ZMIZ1: variants seen among roughly 807,000 people sequenced by gnomAD.
The protein encoded by ZMIZ1 is zinc finger MIZ-type containing 1, also known as zinc finger MIZ domain-containing protein 1.
Under a neutral mutation model 113.9 loss-of-function variants are expected in ZMIZ1, and 17 were observed. The observed-to-expected ratio is 0.15, with a 90% CI of 0.10 to 0.22. The LOEUF (loss-of-function observed/expected upper bound fraction) is 0.22, where lower values mean the gene tolerates loss of function less well. Ranked by LOEUF, ZMIZ1 falls within the 10% of genes least tolerant of loss-of-function variation. The pLI, the probability that ZMIZ1 is intolerant of heterozygous loss-of-function variation, is 1.00. For synonymous variants in ZMIZ1, 607 were observed against 603.1 expected, an observed-to-expected ratio of 1.01 and a Z score of -0.09; for missense variants, 1,059 against 1,477.8, an observed-to-expected ratio of 0.72 and a Z score of 4.65.
chr10:79,272,788 G>A (rs369609124), intron 7 of ZMIZ1, among the ~76,000 whole-genome samples: 1 of 152,334 alleles, frequency 6.6e-6, no homozygotes, highest in South Asian at 2.1e-4. Flanking sequence ...TGGGTGGTGC[G>A]TGCTTTTACG....
Position 79,296,767 on chromosome 10 carries a change from G to T in ZMIZ1, c.1413+114G>T, listed in dbSNP as rs1448518670. ...CGTGTGTTTGCCCCAAGGACAGCGAGGGGTGGGTGATTTCTGAACGTCCCC... is the reference window on the plus strand; with the variant it reads ...CGTGTGTTTGCCCCAAGGACAGCGATGGGTGGGTGATTTCTGAACGTCCCC... On this transcript the variant is annotated intron_variant, in intron 13 of 24. Coordinates refer to ENST00000334512, the MANE Select transcript of ZMIZ1 (RefSeq NM_020338.4). The surrounding 1 kb of genome is among the most constrained non-coding windows in gnomAD (Gnocchi z 4.1). 1 of 1,098,196 alleles carries T rather than the reference G, an allele frequency of 9.1e-7. No homozygotes were observed. The highest frequency in any genetic ancestry group is 1.6e-5 in the African/African-American group (1 of 61,156). 68.0% of individuals were successfully genotyped at this position (1,098,196 alleles called of 1,614,324 possible).
chr10:79,152,644 C>T (rs2132457438), intron 3 of ZMIZ1, among the ~76,000 whole-genome samples: 1 of 152,376 alleles, frequency 6.6e-6, no homozygotes. Flanking sequence ...GATCCCCAGG[C>T]AGCACTGTGG....
At chr10:79,255,484 C>G (rs1419004175) in intron 7 of ZMIZ1, among the ~76,000 whole-genome samples, 1 of 152,168 alleles carries the variant, frequency 6.6e-6, no homozygotes, top group African/African-American at 2.4e-5. Flanking sequence ...GAGTGGAGTC[C>G]GTCTGGGCAC....
chr10:79,092,092 T>G (rs573866094), intron 1 of ZMIZ1, among the ~76,000 whole-genome samples: 3 of 152,228 alleles, frequency 2.0e-5, no homozygotes, highest in Admixed American at 2.0e-4. Flanking sequence ...CAGCAGCAGC[T>G]GGGGCTTCTG....
At chr10:79,309,536 T>C (rs2132103629) in intron 23 of ZMIZ1, among the ~76,000 whole-genome samples, 1 of 152,314 alleles carries the variant, frequency 6.6e-6, no homozygotes, top group African/African-American at 2.4e-5. Flanking sequence ...CGTCTCATTC[T>C]TGGGGCTTGG....
intron 8 of ZMIZ1, among the ~76,000 whole-genome samples, chr10:79,286,779 C>T (rs977108182): frequency 9.9e-5 from 15 of 152,220 alleles, no homozygotes; most frequent in Admixed American, 7.9e-4. Context: ...GGAGCTTGTT[C>T]GTGGGCCTGT....
At chr10:79,258,457 A>AC (rs1270154087) in intron 7 of ZMIZ1, among the ~76,000 whole-genome samples, 3 of 152,258 alleles carry the variant, frequency 2.0e-5, no homozygotes, top group African/African-American at 7.2e-5. Flanking sequence ...CCTCAGTTGC[A>AC]CTGGCCACAC....
chr10:79,110,132 G>A (rs779733518), intron 1 of ZMIZ1, among the ~76,000 whole-genome samples: 1 of 152,230 alleles, frequency 6.6e-6, no homozygotes, highest in Middle Eastern at 3.2e-3. Flanking sequence ...CTTGGGATGT[G>A]GGAAGGTTAC....
At chr10:79,164,451 CT>C (rs5786382) in intron 4 of ZMIZ1, among the ~76,000 whole-genome samples, 120,834 of 152,024 alleles carry the variant, frequency 0.79, 48,398 homozygotes, top group African/African-American at 0.86. Flanking sequence ...TCTCATGCGT[CT>C]CTAGGTAGCT....
intron 8 of ZMIZ1, among the ~76,000 whole-genome samples, chr10:79,286,012 G>T (rs1324355170): frequency 6.6e-6 from 1 of 152,358 alleles, no homozygotes; most frequent in Non-Finnish European, 1.5e-5. Flanking sequence ...TGTGGGTGGA[G>T]CAGGATTGTT....
Position 79,172,624 on chromosome 10 carries a change from A to G in ZMIZ1, c.-50+10491A>G, listed in dbSNP as rs564867458. ...ATAGGAACTTGGGTCCTTTGACCCT[A>G]AATTCCAGACTGGCCTTTGGTTGGC... On this transcript the variant is annotated intron_variant, in intron 4 of 24. Coordinates refer to ENST00000334512, the MANE Select transcript of ZMIZ1 (RefSeq NM_020338.4). 1.9e-4 allele frequency among the ~76,000 whole-genome samples: 29 copies of G among 152,314 alleles called. No homozygotes were observed. The South Asian group carries it at 4.6e-3, about 24-fold the overall frequency.
rs375202829 is a variant in ZMIZ1, at chr10:79,283,930, A to C, written c.426-5845A>C. 3.0e-4 allele frequency among the ~76,000 whole-genome samples: 46 copies of C among 152,376 alleles called. No individual in the cohort carries two copies. The East Asian group carries it at 8.5e-3, about 28-fold the overall frequency. On this transcript the variant is annotated intron_variant, in intron 8 of 24. Transcript: ENST00000334512. ...GGCTTGGCATTTCATTAGCAGTAAC[A>C]CTACAGCCTTGCACGGAGACGGGAC... is the stretch of plus-strand genomic sequence containing the variant.
intron 3 of ZMIZ1, among the ~76,000 whole-genome samples, chr10:79,153,794 G>A (rs1845795828): frequency 6.6e-6 from 1 of 152,264 alleles, no homozygotes; most frequent in Non-Finnish European, 1.5e-5. Context: ...GTTAGAGCCT[G>A]TGCCCAGACC....
chr10:79,161,207 G>A (rs1846104455), intron 3 of ZMIZ1, among the ~76,000 whole-genome samples: 1 of 152,174 alleles, frequency 6.6e-6, no homozygotes. Context: ...TCTCTGGTCT[G>A]GACCCTGGAG....
intron 7 of ZMIZ1, among the ~76,000 whole-genome samples, chr10:79,256,545 T>C (rs1286215839): frequency 1.3e-5 from 2 of 152,226 alleles, no homozygotes; most frequent in Non-Finnish European, 2.9e-5. Flanking sequence ...GGAGGGAGCC[T>C]GCCGGTGCCC....
intron 3 of ZMIZ1, among the ~76,000 whole-genome samples, chr10:79,155,607 G>A (rs1302117222): frequency 6.6e-6 from 1 of 152,202 alleles, no homozygotes; most frequent in Admixed American, 6.5e-5. Context: ...CATTCCTGGG[G>A]CCTGGGCGAT....
In ZMIZ1 at chr10:79,291,184, G is replaced by T; in HGVS notation, c.758+8G>T. 1 of 1,592,968 alleles carries T rather than the reference G, an allele frequency of 6.3e-7. No individual in the cohort carries two copies. Among genetic ancestry groups the T allele is most frequent in the East Asian group, 2.3e-5 (1 of 44,258 alleles). Reference sequence around the variant, plus strand: ...CGGGGGCTTTGGGGCCAGGTGAGCAGGGCTGACCTGTGGCAGAAGCCATGG... The same window carrying T: ...CGGGGGCTTTGGGGCCAGGTGAGCATGGCTGACCTGTGGCAGAAGCCATGG... On this transcript the variant is annotated splice_region_variant and intron_variant, in intron 10 of 24. Coordinates refer to ENST00000334512, the MANE Select transcript of ZMIZ1 (RefSeq NM_020338.4).
intron 7 of ZMIZ1, among the ~76,000 whole-genome samples, chr10:79,272,555 T>C (rs1292473370): frequency 2.0e-5 from 3 of 152,008 alleles, no homozygotes; most frequent in Non-Finnish European, 4.4e-5. Flanking sequence ...GACTCAGCAG[T>C]GGGGGCCATG....
intron 1 of ZMIZ1, among the ~76,000 whole-genome samples, chr10:79,104,205 C>T (rs537858641): frequency 7.2e-5 from 11 of 152,306 alleles, no homozygotes; most frequent in Middle Eastern, 3.4e-3. Context: ...TCAGGGTCTC[C>T]GTGTGAAACA....
Sources: gnomAD v4.1 joint callset for allele counts (sites outside exome capture counted in the v4.1 genomes callset) on GRCh38, gnomAD v4.1.1 for gene constraint, Gnocchi (gnomAD v3.1) non-coding constraint, MANE v1.5 for transcripts, NCBI Gene and HGNC (gene_info 2026-07-23, HGNC 2026-07-21) for gene names.